The following CPAMD8 variants were observed in gnomAD, a reference collection of about 807,000 sequenced individuals.
CPAMD8 encodes the protein C3 and PZP like alpha-2-macroglobulin domain containing 8, also known as C3 and PZP-like alpha-2-macroglobulin domain-containing protein 8.
CPAMD8 carries 146 observed loss-of-function variants against 224.7 expected under a neutral mutation model. The ratio of observed to expected loss-of-function variants is 0.65; its 90% CI spans 0.57 to 0.75. CPAMD8 has a LOEUF of 0.75. Among genes scored for constraint, CPAMD8 ranks in the 30% least tolerant of loss-of-function variants. The probability of loss-of-function intolerance (pLI) is 0.00; values close to 1 mark genes in which losing one functional copy is unlikely to be tolerated. For missense variants in CPAMD8, 2,301 were observed against 2,537.5 expected (o/e 0.91, Z 2.00); for synonymous variants, 966 against 1,044.6 (o/e 0.92, Z 1.45).
chr19:16,913,450 C>T (rs992665074), intron 29 of CPAMD8, among the ~76,000 whole-genome samples: 5 of 152,052 alleles, frequency 3.3e-5, no homozygotes, highest in Non-Finnish European at 5.9e-5. Context: ...ACTAGGGAAA[C>T]GCCATGTGAA....
At chr19:17,020,435 A>T (rs2056925158) in intron 2 of CPAMD8, 82 bp from the exon 3 acceptor site, 1 of 1,010,112 alleles carries the variant, frequency 9.9e-7, no homozygotes, top group Non-Finnish European at 1.6e-6. Flanking sequence ...CACAAACCAC[A>T]AACTTTCTTA....
intron 6 of CPAMD8, 33 bp downstream of exon 6, chr19:17,009,270 A>G: frequency 6.2e-7 from 1 of 1,613,986 alleles, no homozygotes. Context: ...CCGGGCCCCA[A>G]GTCCAAGCCG....
chr19:16,967,900 T>TGCATATATACACACACATGTGTGA (rs2054904494), intron 18 of CPAMD8, among the ~76,000 whole-genome samples: 1 of 150,610 alleles, frequency 6.6e-6, no homozygotes, highest in Non-Finnish European at 1.5e-5. Flanking sequence ...CATGTGTGTG[T>TGCATATATACACACACATGTGTGA]ATATATGTGC....
chr19:16,935,165 C>T (rs1398827109), intron 23 of CPAMD8, among the ~76,000 whole-genome samples: 1 of 152,160 alleles, frequency 6.6e-6, no homozygotes, highest in Non-Finnish European at 1.5e-5. Context: ...TCAGAGAGCT[C>T]TCTGTACCCG....
chr19:17,002,609 C>A (rs1040064003), intron 8 of CPAMD8: 3 of 332,894 alleles, frequency 9.0e-6, no homozygotes, highest in Non-Finnish European at 1.7e-5. Flanking sequence ...TAGAGTGTGG[C>A]GGATTCCAGC....
At chr19:16,954,210 G>C (rs999523980) in intron 19 of CPAMD8, among the ~76,000 whole-genome samples, 1 of 152,050 alleles carries the variant, frequency 6.6e-6, no homozygotes, top group Admixed American at 6.6e-5. Context: ...GTGCGTGTCT[G>C]TAGTTCCAGC....
chr19:16,952,842 T>TTTTTA (rs1282999511), intron 19 of CPAMD8, among the ~76,000 whole-genome samples: 3 of 152,198 alleles, frequency 2.0e-5, no homozygotes, highest in South Asian at 2.1e-4. Context: ...CCCCAATGAC[T>TTTTTA]TTTTATTTTA....
chr19:16,897,776 G>T lies in CPAMD8; in HGVS notation c.4980C>A (p.Asn1660Lys), dbSNP rs750437784. Residue 1660 changes from asparagine (N) to lysine (K), a missense_variant, in exon 39 of 42, where the codon AAC becomes AAA. By Grantham distance (94) the Asn-to-Lys change is moderately conservative. Transcript: ENST00000443236. ...EPAFEATRFYNVSTHSPLARE... is the reference protein window; with the variant it reads ...EPAFEATRFYKVSTHSPLARE... ...GGGCGAGTGGGCTGTGGGTGCTGACGTTGTAGAAGCGAGTGGCCTCGAAGG... is the reference window on the plus strand; with the variant it reads ...GGGCGAGTGGGCTGTGGGTGCTGACTTTGTAGAAGCGAGTGGCCTCGAAGG... 1 of 1,586,594 alleles carries T rather than the reference G, an allele frequency of 6.3e-7. No individual in the cohort carries two copies. The highest frequency in any genetic ancestry group is 8.6e-7 in the Non-Finnish European group (1 of 1,168,318).
chr19:16,985,500 G>C (rs1297604558), intron 13 of CPAMD8, among the ~76,000 whole-genome samples: 2 of 149,196 alleles, frequency 1.3e-5, no homozygotes, highest in East Asian at 3.9e-4. Flanking sequence ...GCAGACGGAA[G>C]GATGGATGGA....
intron 12 of CPAMD8, among the ~76,000 whole-genome samples, chr19:16,992,431 A>C (rs1386198022): frequency 2.0e-5 from 3 of 151,970 alleles, no homozygotes; most frequent in African/African-American, 7.2e-5. Flanking sequence ...CTCTACAGAA[A>C]AATTTATTAT....
Position 16,901,200 on chromosome 19 carries a change from G to A in CPAMD8, c.4773+10C>T, listed in dbSNP as rs543867777. 137 of 1,594,992 alleles carry A rather than the reference G, an allele frequency of 8.6e-5. 1 individual carries two copies. The Admixed American group carries it at 1.9e-3, about 22-fold the overall frequency. ...TCCCTGCCCACCGCTGCTCACCGGCGCTGCCTCACCTGCTCCAGGCTCTCG... is the reference window on the plus strand; with the variant it reads ...TCCCTGCCCACCGCTGCTCACCGGCACTGCCTCACCTGCTCCAGGCTCTCG... On this transcript the variant is annotated intron_variant, in intron 36 of 41. Transcript: ENST00000443236.
intron 3 of CPAMD8, among the ~76,000 whole-genome samples, chr19:17,014,041 T>TCTC (rs2056743666): frequency 6.8e-6 from 1 of 146,520 alleles, no homozygotes; most frequent in African/African-American, 2.5e-5. Flanking sequence ...CTTTCTTTCT[T>TCTC]TCTCTTTCTC....
chr19:16,922,562 C>T (rs1445893305), intron 26 of CPAMD8, among the ~76,000 whole-genome samples: 2 of 150,682 alleles, frequency 1.3e-5, no homozygotes, highest in African/African-American at 2.4e-5. Context: ...CTGCCCCATA[C>T]CCACAGCACA....
chr19:16,894,576 T>G (rs2227360), intron 41 of CPAMD8: 1 of 429,418 alleles, frequency 2.3e-6, no homozygotes, highest in Non-Finnish European at 4.7e-6. Context: ...CCCAACTGGA[T>G]GGGGGACACA....
Position 16,947,322 on chromosome 19 carries a change from C to G in CPAMD8, c.2509-95G>C, listed in dbSNP as rs1400795069. On this transcript the variant is annotated intron_variant, in intron 20 of 41. Transcript: ENST00000443236. Reference sequence around the variant, plus strand: ...CACATCCCACCACTCACTGCACACACCAGACTTGTCAGCCTCCCAAAGAGC... The same window carrying G: ...CACATCCCACCACTCACTGCACACAGCAGACTTGTCAGCCTCCCAAAGAGC... 5.6e-6 allele frequency: 8 copies of G among 1,417,436 alleles called. No individual in the cohort carries two copies. The East Asian group carries it at 2.0e-4, about 35-fold the overall frequency. 87.8% of individuals were successfully genotyped at this position (1,417,436 alleles called of 1,614,324 possible).
At chr19:16,931,583 C>G (rs1473145542) in intron 23 of CPAMD8, among the ~76,000 whole-genome samples, 1 of 152,204 alleles carries the variant, frequency 6.6e-6, no homozygotes, top group Non-Finnish European at 1.5e-5. Flanking sequence ...TCCTGGTCCA[C>G]CGCTGCCACT....
At chr19:16,962,629 T>A (rs2122531151) in intron 18 of CPAMD8, among the ~76,000 whole-genome samples, 1 of 152,254 alleles carries the variant, frequency 6.6e-6, no homozygotes, top group South Asian at 2.1e-4. Flanking sequence ...CAGGATATTA[T>A]CCAGGAGAAC....
intron 12 of CPAMD8, 42 bp downstream of exon 12, chr19:16,993,374 T>A (rs746517417): frequency 1.9e-6 from 3 of 1,579,202 alleles, no homozygotes; most frequent in Non-Finnish European, 1.7e-6. Context: ...CCCAAGTCCA[T>A]ACCTGCTGGC....
At chr19:16,922,820 G>A (rs906096210) in intron 26 of CPAMD8, among the ~76,000 whole-genome samples, 2 of 149,950 alleles carry the variant, frequency 1.3e-5, no homozygotes, top group Non-Finnish European at 3.0e-5. Flanking sequence ...ACATCACATC[G>A]GGGATCCCTG....
Sources: allele counts gnomAD v4.1 joint callset (sites outside exome capture counted in the v4.1 genomes callset), GRCh38; gene constraint gnomAD v4.1.1; transcripts MANE v1.5; gene names NCBI Gene and HGNC (gene_info 2026-07-23, HGNC 2026-07-21).